Variants in STXBP3 observed in about 807,000 individuals in gnomAD.
STXBP3 encodes the protein syntaxin binding protein 3, also known as syntaxin-binding protein 3.
A neutral mutation model predicts 85.7 loss-of-function variants in STXBP3; 41 were observed. That is an observed-to-expected ratio of 0.48 (90% CI 0.37 to 0.62). The LOEUF is 0.62. Among genes scored for constraint, STXBP3 ranks in the 20% least tolerant of loss-of-function variants. The pLI is 0.00. For synonymous variants in STXBP3, 229 were observed against 231.7 expected, an observed-to-expected ratio of 0.99 and a Z score of 0.10; for missense variants, 563 against 703.1, an observed-to-expected ratio of 0.80 and a Z score of 2.25.
chr1:108,796,143 G>A (rs1295854544), intron 13 of STXBP3, 91 bp from the exon 14 acceptor site: 19 of 1,389,798 alleles, frequency 1.4e-5, no homozygotes, highest in African/African-American at 4.4e-5. Context: ...GATTACAGGC[G>A]TGAGCCACTG....
At chr1:108,786,966 A>G (rs1031013254) in intron 11 of STXBP3, among the ~76,000 whole-genome samples, 2 of 152,138 alleles carry the variant, frequency 1.3e-5, no homozygotes, top group African/African-American at 4.8e-5. Flanking sequence ...TTTTCATTTT[A>G]GTGGTATTGC....
At chr1:108,782,743 G>C in intron 11 of STXBP3, 37 bp downstream of exon 11, 3 of 1,521,582 alleles carry the variant, frequency 2.0e-6, no homozygotes, top group Non-Finnish European at 2.7e-6. Flanking sequence ...TAATAGTGAA[G>C]GTGAATTTTA....
chr1:108,774,241 C>T (rs1662538526), intron 7 of STXBP3, among the ~76,000 whole-genome samples: 2 of 152,056 alleles, frequency 1.3e-5, no homozygotes, highest in South Asian at 4.1e-4. Context: ...GCCTCAGTTT[C>T]CTTATCTATG....
At chr1:108,801,590 C>G (rs983108844) in intron 17 of STXBP3, among the ~76,000 whole-genome samples, 1 of 151,992 alleles carries the variant, frequency 6.6e-6, no homozygotes, top group African/African-American at 2.4e-5. Context: ...CTCTACTGAT[C>G]AAGCTGAGTG....
intron 11 of STXBP3, among the ~76,000 whole-genome samples, chr1:108,789,791 C>A (rs1662937461): frequency 6.6e-6 from 1 of 152,026 alleles, no homozygotes; most frequent in African/African-American, 2.4e-5. Context: ...TGGGGCTGGG[C>A]ATGGTGGCTC....
At position 108,803,122 on chromosome 1, in the gene STXBP3, C is replaced by T. The variant is rs145856260; in HGVS notation, c.1535+2817C>T. 6.1e-3 allele frequency among the ~76,000 whole-genome samples: 934 copies of T among 152,152 alleles called. 5 individuals are homozygous for T. Among genetic ancestry groups the T allele is most frequent in the Admixed American group, 0.02 (300 of 15,286 alleles). ...TTTCTTTACTTTTGTTTTATTTTTT[C>T]CTTTTCTACAAAAGGTTTGGAGGTT... On this transcript the variant is annotated intron_variant, in intron 17 of 18. Transcript: ENST00000370008.
At chr1:108,775,920 A>C (rs868171809) in intron 7 of STXBP3, among the ~76,000 whole-genome samples, 73 of 150,096 alleles carry the variant, frequency 4.9e-4, no homozygotes, top group Non-Finnish European at 8.3e-4. Context: ...ATAAATCTCA[A>C]ACACACACAC....
At position 108,782,455 on chromosome 1, in the gene STXBP3, C is replaced by T. The variant is rs754217546; in HGVS notation, c.843C>T (p.Ile281=). 3.1e-6 allele frequency: 5 copies of T among 1,613,626 alleles called. No homozygotes were observed. The African/African-American group carries it at 6.7e-5, about 22-fold the overall frequency. Residue 281 remains isoleucine (I), a synonymous_variant, in exon 10 of 19, where the codon ATC becomes ATT. Transcript: ENST00000370008. The stretch of plus-strand genomic sequence containing the variant: ...CAGATGGAAAAGAAAAGGAGGCCAT[C>T]CTTGAAGAAGAAGATGACCTCTGGG... The part of the protein sequence containing the change: ...YKTDGKEKEA[I]LEEEDDLWVR...
At position 108,793,597 on chromosome 1, in the gene STXBP3, C is replaced by G; in HGVS notation, c.979C>G (p.Leu327Val). The G allele has an allele frequency of 6.2e-7, 1 of 1,612,202 alleles. No homozygotes were observed. Among genetic ancestry groups the G allele is most frequent in the Non-Finnish European group, 8.5e-7 (1 of 1,178,820 alleles). ...ATEGKTSLSA[L>V]TQLMKKMPHF... is the part of the protein sequence containing the mutation. ...TTTTTCCTAGACATCACTTAGTGCT[C>G]TTACCCAGCTGATGAAAAAGATGCC... Residue 327 changes from leucine to valine, a missense_variant, in exon 12 of 19, where the codon CTT (leucine) becomes GTT (valine). Around this residue, in one of 3 missense-constraint regions of STXBP3, gnomAD observed 494 missense variants for 592.8 expected, o/e 0.83. Coordinates refer to ENST00000370008, the MANE Select transcript of STXBP3 (RefSeq NM_007269.4).
chr1:108,752,321 C>T lies in STXBP3; in HGVS notation c.99+15C>T. The T allele has an allele frequency of 1.2e-6, 2 of 1,608,886 alleles. No individual in the cohort carries two copies. The highest frequency in any genetic ancestry group is 1.7e-6 in the Non-Finnish European group (2 of 1,176,992). The stretch of plus-strand genomic sequence containing the variant: ...GCGAATGGAAGGTAGAGTTTGCATA[C>T]CTTGCTCTTATAAAAAATAATACAA... On this transcript the variant is annotated intron_variant, in intron 2 of 18. Transcript: ENST00000370008.
chr1:108,803,464 C>T (rs766320266), intron 17 of STXBP3, among the ~76,000 whole-genome samples: 45 of 152,192 alleles, frequency 3.0e-4, no homozygotes, highest in African/African-American at 4.8e-5. Context: ...TCCTTTGATG[C>T]GGGTCTGTTG....
intron 1 of STXBP3, among the ~76,000 whole-genome samples, chr1:108,750,132 C>T (rs2101100247): frequency 6.6e-6 from 1 of 152,018 alleles, no homozygotes; most frequent in African/African-American, 2.4e-5. Flanking sequence ...CTCCAATCTG[C>T]TCCATCATAA....
chr1:108,759,829 T>C (rs1225359015), intron 5 of STXBP3, among the ~76,000 whole-genome samples, 156 bp from the exon 6 acceptor site: 2 of 152,196 alleles, frequency 1.3e-5, no homozygotes, highest in African/African-American at 4.8e-5. Flanking sequence ...ATATATCTTT[T>C]GTAAAGCAAA....
intron 17 of STXBP3, among the ~76,000 whole-genome samples, chr1:108,802,232 A>G (rs898097312): frequency 2.6e-5 from 4 of 151,954 alleles, no homozygotes; most frequent in Non-Finnish European, 5.9e-5. Context: ...CCCCATCTCT[A>G]CTAAAAATAC....
At chr1:108,763,637 G>A (rs188066464) in intron 6 of STXBP3, among the ~76,000 whole-genome samples, 21 of 152,122 alleles carry the variant, frequency 1.4e-4, no homozygotes, top group Admixed American at 1.0e-3. Context: ...GTGCAGTGGC[G>A]CGATCTCAGC....
Position 108,782,422 on chromosome 1 carries a change from A to C in STXBP3, c.810A>C (p.Lys270Asn). The change falls in exon 10 of 19, where the codon AAA becomes AAC. Residue 270 changes from lysine to asparagine, a missense_variant and splice_region_variant. By Grantham distance (94) the Lys-to-Asn change is moderately conservative. Coordinates refer to ENST00000370008, the MANE Select transcript of STXBP3 (RefSeq NM_007269.4). The stretch of plus-strand genomic sequence containing the variant: ...TTTTAGTGCTTCTGTCTACTTGTAG[A>C]TATAAAACAGATGGAAAAGAAAAGG... ...DLLPIENDTY[K>N]YKTDGKEKEA... is the part of the protein sequence containing the mutation. The C allele has an allele frequency of 6.2e-7, 1 of 1,609,502 alleles. No homozygotes were observed. Among genetic ancestry groups the C allele is most frequent in the Non-Finnish European group, 8.5e-7 (1 of 1,177,562 alleles).
chr1:108,765,568 T>C (rs1767016), intron 6 of STXBP3, among the ~76,000 whole-genome samples: 101,465 of 139,276 alleles, frequency 0.73, 36,887 homozygotes, highest in Non-Finnish European at 0.78. Context: ...CACCACATGC[T>C]AATTTTTTTT....
chr1:108,800,866 A>T (rs150194762), intron 17 of STXBP3, among the ~76,000 whole-genome samples: 1 of 152,182 alleles, frequency 6.6e-6, no homozygotes, highest in Non-Finnish European at 1.5e-5. Flanking sequence ...GTGTCTAGGT[A>T]TAGTTCTCTT....
chr1:108,749,338 A>G (rs982449360), intron 1 of STXBP3, among the ~76,000 whole-genome samples: 3 of 152,162 alleles, frequency 2.0e-5, no homozygotes, highest in Non-Finnish European at 4.4e-5. Flanking sequence ...TTGTATCTGT[A>G]TTGCGTAGTT....
Sources: gnomAD v4.1 joint callset for allele counts (sites outside exome capture counted in the v4.1 genomes callset) on GRCh38, gnomAD v4.1.1 for gene constraint, gnomAD v4.1.1 regional missense constraint, MANE v1.5 for transcripts, NCBI Gene and HGNC (gene_info 2026-07-23, HGNC 2026-07-21) for gene names.